TENM3: variants seen among roughly 807,000 people sequenced by gnomAD.
TENM3 encodes the protein teneurin transmembrane protein 3.
In TENM3, 63 loss-of-function variants were observed where a neutral mutation model predicts 255.1. That is an observed-to-expected ratio of 0.25 (90% CI 0.20 to 0.30). The LOEUF is 0.30. TENM3 is among the 10% of genes least tolerant of loss of function. TENM3 has a pLI of 1.00. For synonymous variants in TENM3, 1,306 were observed against 1,322.3 expected (o/e 0.99, Z 0.27); for missense variants, 2,929 against 3,461.1 (o/e 0.85, Z 3.86).
the TENM3 span, among the ~76,000 whole-genome samples, chr4:181,992,175 G>A: frequency 1.3e-5 from 2 of 151,990 alleles, no homozygotes; most frequent in African/African-American, 4.8e-5. Flanking sequence ...GGAAATAACA[G>A]GCTAGAATTT....
chr4:182,495,958 A>AT (rs1735735560), intron 3 of TENM3, among the ~76,000 whole-genome samples: 1 of 152,224 alleles, frequency 6.6e-6, no homozygotes, highest in Non-Finnish European at 1.5e-5. Flanking sequence ...TTGTTCTCTT[A>AT]TTTAGACTGA....
chr4:182,390,446 G>T (rs1184693115), intron 3 of TENM3, among the ~76,000 whole-genome samples: 1 of 152,166 alleles, frequency 6.6e-6, no homozygotes, highest in East Asian at 1.9e-4. Context: ...GAGAGCTCTT[G>T]TTGGTTTACC....
chr4:181,662,145 T>G, the TENM3 span, among the ~76,000 whole-genome samples: 1 of 152,346 alleles, frequency 6.6e-6, no homozygotes, highest in African/African-American at 2.4e-5. Context: ...TAGCTTTAAT[T>G]TATTCATGCC....
chr4:182,509,772 T>C (rs1737195204), intron 3 of TENM3, among the ~76,000 whole-genome samples: 1 of 151,906 alleles, frequency 6.6e-6, no homozygotes, highest in African/African-American at 2.4e-5. Flanking sequence ...ACCCCATCTC[T>C]ACTAAAAATA....
the TENM3 span, among the ~76,000 whole-genome samples, chr4:181,873,593 T>C: frequency 1.2e-4 from 18 of 152,342 alleles, no homozygotes; most frequent in Admixed American, 5.9e-4. Context: ...TGAATTCCAC[T>C]GTCATTAGAG....
the TENM3 span, among the ~76,000 whole-genome samples, chr4:182,029,138 C>T: frequency 6.6e-6 from 1 of 152,236 alleles, no homozygotes; most frequent in Admixed American, 6.5e-5. Flanking sequence ...AGCTTACAAT[C>T]ATGGCAGCTG....
the TENM3 span, among the ~76,000 whole-genome samples, chr4:181,888,588 A>ATGAGTGTGTGTGTGTG: frequency 6.2e-5 from 1 of 16,042 alleles, no homozygotes; most frequent in Non-Finnish European, 1.1e-4. Context: ...ACATATATAT[A>ATGAGTGTGTGTGTGTG]TGCGTGTGTG....
intron 3 of TENM3, among the ~76,000 whole-genome samples, chr4:182,425,115 C>G (rs897585591): frequency 6.6e-6 from 1 of 152,138 alleles, no homozygotes; most frequent in African/African-American, 2.4e-5. Context: ...AAGGAAAAAA[C>G]TATATGATTC....
chr4:182,088,730 A>G, the TENM3 span, among the ~76,000 whole-genome samples: 1 of 151,670 alleles, frequency 6.6e-6, no homozygotes, highest in African/African-American at 2.4e-5. Flanking sequence ...GCTACTCAGG[A>G]GGCTGAGGCA....
intron 1 of TENM3, among the ~76,000 whole-genome samples, chr4:182,247,307 T>C (rs1175581523): frequency 6.6e-6 from 1 of 152,100 alleles, no homozygotes; most frequent in Non-Finnish European, 1.5e-5. Context: ...GTTGGTTGTC[T>C]TACGAAGAGA....
chr4:181,845,586 T>C, the TENM3 span, among the ~76,000 whole-genome samples: 6 of 152,236 alleles, frequency 3.9e-5, no homozygotes, highest in African/African-American at 1.2e-4. Flanking sequence ...GCACACTTAC[T>C]TTGCCATTCC....
chr4:181,629,864 G>A, the TENM3 span, among the ~76,000 whole-genome samples: 2 of 152,176 alleles, frequency 1.3e-5, no homozygotes, highest in African/African-American at 2.4e-5. Context: ...AATGAGTTAG[G>A]GAGCATTCCC....
the TENM3 span, among the ~76,000 whole-genome samples, chr4:181,610,356 A>T: frequency 6.6e-6 from 1 of 152,210 alleles, no homozygotes; most frequent in Non-Finnish European, 1.5e-5. Context: ...TATAGCACAA[A>T]GGTGCCATTA....
intron 3 of TENM3, among the ~76,000 whole-genome samples, chr4:182,590,736 T>G (rs2152386963): frequency 6.9e-6 from 1 of 144,636 alleles, no homozygotes; most frequent in South Asian, 2.2e-4. Context: ...ACACTTGTAT[T>G]CCCAACTACT....
chr4:182,188,746 A>T (rs775553386), intron 1 of TENM3, among the ~76,000 whole-genome samples: 2 of 152,184 alleles, frequency 1.3e-5, no homozygotes, highest in Non-Finnish European at 2.9e-5. Flanking sequence ...GTGCAATTTG[A>T]GTCCTCTACT....
chr4:181,758,794 TGTA>T, the TENM3 span, among the ~76,000 whole-genome samples: 1 of 152,294 alleles, frequency 6.6e-6, no homozygotes, highest in East Asian at 1.9e-4. Context: ...TTTGAGCACA[TGTA>T]GTTCTGTTTC....
chr4:181,920,923 A>C, the TENM3 span, among the ~76,000 whole-genome samples: 1 of 152,200 alleles, frequency 6.6e-6, no homozygotes, highest in African/African-American at 2.4e-5. Context: ...AGGTGTAAGG[A>C]AGGGATCCAG....
chr4:182,346,698 C>T lies in TENM3; in HGVS notation c.280C>T (p.Arg94Ter), dbSNP rs1257614353. ...GTTAGGAGTTTGTGAACCAGCAACT[C>T]GAAGAGGACTGGCATTTTGTGCGGA... Reference protein sequence around the residue: ...RQLGVCEPATRRGLAFCAEMG... With the variant: ...RQLGVCEPAT Residue 94 changes from arginine (R) to a stop codon, truncating the protein, a stop_gained, in exon 3 of 28, where the codon CGA (arginine) becomes TGA (stop). Transcript: ENST00000511685. LOFTEE classifies it high-confidence loss of function. The T allele has an allele frequency of 3.1e-6, 5 of 1,613,648 alleles. No individual in the cohort carries two copies. The highest frequency in any genetic ancestry group is 4.2e-6 in the Non-Finnish European group (5 of 1,179,830).
At chr4:181,689,371 C>A in the TENM3 span, among the ~76,000 whole-genome samples, 3 of 152,288 alleles carry the variant, frequency 2.0e-5, no homozygotes, top group Admixed American at 6.5e-5. Context: ...AAGTGTGTGA[C>A]CCAACTGGAA....
Sources: gnomAD v4.1 joint callset for allele counts (sites outside exome capture counted in the v4.1 genomes callset) on GRCh38, gnomAD v4.1.1 for gene constraint, MANE v1.5 for transcripts, NCBI Gene and HGNC (gene_info 2026-07-23, HGNC 2026-07-21) for gene names.